Variants in GALNTL6 observed in about 807,000 individuals in gnomAD.
GALNTL6 encodes polypeptide N-acetylgalactosaminyltransferase like 6.
GALNTL6 carries 46 observed loss-of-function variants against 73.7 expected under a neutral mutation model. That is an observed-to-expected ratio of 0.62 (90% CI 0.49 to 0.80). The LOEUF (loss-of-function observed/expected upper bound fraction) is 0.80, where lower values mean the gene tolerates loss of function less well. Among genes scored for constraint, GALNTL6 ranks in the 30% least tolerant of loss-of-function variants. The pLI is 0.00. For synonymous variants in GALNTL6, 259 were observed against 263.7 expected (o/e 0.98, Z 0.17); for missense variants, 604 against 755.0 (o/e 0.80, Z 2.34).
At chr4:172,963,652 G>T (rs925113114) in intron 10 of GALNTL6, among the ~76,000 whole-genome samples, 1 of 152,172 alleles carries the variant, frequency 6.6e-6, no homozygotes, top group Non-Finnish European at 1.5e-5. Context: ...ACCTGTGTGT[G>T]TGAAGCCACC....
chr4:172,543,465 T>G (rs1218905048), intron 5 of GALNTL6, among the ~76,000 whole-genome samples: 1 of 152,220 alleles, frequency 6.6e-6, no homozygotes, highest in Non-Finnish European at 1.5e-5. Context: ...CTGTCTTCCT[T>G]GATGACTGCA....
intron 5 of GALNTL6, among the ~76,000 whole-genome samples, chr4:172,612,074 A>T (rs1036925013): frequency 1.6e-4 from 24 of 152,082 alleles, no homozygotes; most frequent in African/African-American, 5.1e-4. Flanking sequence ...AAGGTATAGG[A>T]TAAATCATAA....
chr4:172,481,255 A>C (rs567627881), intron 5 of GALNTL6, among the ~76,000 whole-genome samples: 1 of 150,128 alleles, frequency 6.7e-6, no homozygotes, highest in East Asian at 2.0e-4. Flanking sequence ...CGAGTTGTTC[A>C]TTCCTCCCGG....
intron 5 of GALNTL6, among the ~76,000 whole-genome samples, chr4:172,481,650 G>A (rs1283711566): frequency 6.6e-6 from 1 of 152,156 alleles, no homozygotes; most frequent in Non-Finnish European, 1.5e-5. Context: ...CAATCGTCTA[G>A]CTAGACATAA....
At chr4:172,246,802 T>TTA (rs35337142) in intron 3 of GALNTL6, among the ~76,000 whole-genome samples, 5,087 of 147,378 alleles carry the variant, frequency 0.035, 134 homozygotes, top group African/African-American at 0.068. Context: ...GCCAGGCGAT[T>TTA]TATATATATA....
chr4:171,996,393 T>C (rs1159846951), intron 2 of GALNTL6, among the ~76,000 whole-genome samples: 1 of 152,116 alleles, frequency 6.6e-6, no homozygotes, highest in African/African-American at 2.4e-5. Context: ...CATTATTTTA[T>C]AAATCAGATT....
intron 5 of GALNTL6, among the ~76,000 whole-genome samples, chr4:172,670,606 T>C (rs1191548497): frequency 1.3e-5 from 2 of 151,914 alleles, no homozygotes; most frequent in African/African-American, 2.4e-5. Flanking sequence ...AGGTTGTCTG[T>C]TCACTTTGCT....
At chr4:172,806,349 A>AAAGAT (rs1313144065) in intron 5 of GALNTL6, among the ~76,000 whole-genome samples, 5 of 152,228 alleles carry the variant, frequency 3.3e-5, no homozygotes, top group African/African-American at 7.2e-5. Flanking sequence ...AGTAAATTAA[A>AAAGAT]ATGGGCTTTG....
At chr4:172,333,158 C>A (rs1741191241) in intron 4 of GALNTL6, among the ~76,000 whole-genome samples, 2 of 152,128 alleles carry the variant, frequency 1.3e-5, no homozygotes, top group South Asian at 2.1e-4. Flanking sequence ...GTAATCCCAG[C>A]ACTTTGGGAG....
intron 7 of GALNTL6, among the ~76,000 whole-genome samples, chr4:172,831,097 G>GCAGTGAGC (rs1252007457): frequency 7.0e-6 from 1 of 143,700 alleles, no homozygotes; most frequent in Non-Finnish European, 1.5e-5. Flanking sequence ...GGCGGAGGTT[G>GCAGTGAGC]CAGTGAGCGG....
intron 2 of GALNTL6, among the ~76,000 whole-genome samples, chr4:171,940,382 T>C (rs1271053968): frequency 6.6e-6 from 1 of 152,060 alleles, no homozygotes; most frequent in African/African-American, 2.4e-5. Flanking sequence ...GGAGCTCACA[T>C]TACCATAATA....
At chr4:172,479,835 G>A (rs1733379007) in intron 5 of GALNTL6, among the ~76,000 whole-genome samples, 1 of 152,156 alleles carries the variant, frequency 6.6e-6, no homozygotes, top group African/African-American at 2.4e-5. Flanking sequence ...CTTTTTATAA[G>A]TAACACAGGA....
intron 11 of GALNTL6, among the ~76,000 whole-genome samples, chr4:173,010,211 G>T (rs1043075446): frequency 6.6e-6 from 1 of 151,882 alleles, no homozygotes; most frequent in Non-Finnish European, 1.5e-5. Flanking sequence ...TCATCTCCAT[G>T]GGTTCAATTG....
chr4:172,190,980 T>C (rs1735563554), intron 2 of GALNTL6, among the ~76,000 whole-genome samples: 1 of 152,218 alleles, frequency 6.6e-6, no homozygotes, highest in African/African-American at 2.4e-5. Flanking sequence ...GCTTCCATTG[T>C]CATATTAGCC....
chr4:172,428,905 T>C (rs944292690), intron 5 of GALNTL6, among the ~76,000 whole-genome samples: 1 of 152,132 alleles, frequency 6.6e-6, no homozygotes, highest in Non-Finnish European at 1.5e-5. Context: ...TATAACAAAA[T>C]GCCATAAAAT....
intron 7 of GALNTL6, among the ~76,000 whole-genome samples, chr4:172,839,638 C>T (rs961213126): frequency 2.6e-5 from 4 of 152,114 alleles, no homozygotes; most frequent in South Asian, 4.1e-4. Flanking sequence ...AAAGGTCTTT[C>T]TACAATACAG....
In GALNTL6 at chr4:173,040,431, G is replaced by T; in HGVS notation, c.*331G>T. On this transcript the variant is annotated 3_prime_UTR_variant, in exon 13 of 13. Coordinates refer to ENST00000506823, the MANE Select transcript of GALNTL6 (RefSeq NM_001034845.3). ...AAATCCTGCAGTAGTGAGTAGCTAT[G>T]AATGGATCCTATTAACTGGGTGGGA... is the stretch of plus-strand genomic sequence containing the variant. 4.0e-6 allele frequency: 1 copy of T among 250,254 alleles called. No homozygotes were observed. The highest frequency in any genetic ancestry group is 7.7e-6 in the Non-Finnish European group (1 of 130,710). 15.5% of individuals were successfully genotyped at this position (250,254 alleles called of 1,614,324 possible).
chr4:172,525,635 G>A (rs1355550579), intron 5 of GALNTL6, among the ~76,000 whole-genome samples: 1 of 152,178 alleles, frequency 6.6e-6, no homozygotes, highest in Non-Finnish European at 1.5e-5. Flanking sequence ...GGCCAAGGCA[G>A]GAGGACCGTT....
At chr4:172,645,450 A>G (rs946813450) in intron 5 of GALNTL6, among the ~76,000 whole-genome samples, 2 of 151,984 alleles carry the variant, frequency 1.3e-5, no homozygotes, top group South Asian at 2.1e-4. Flanking sequence ...TGAGAAGATT[A>G]TCCATGCCCC....
Sources: allele counts gnomAD v4.1 joint callset (sites outside exome capture counted in the v4.1 genomes callset), GRCh38; gene constraint gnomAD v4.1.1; transcripts MANE v1.5; gene names NCBI Gene and HGNC (gene_info 2026-07-23, HGNC 2026-07-21).